Variants in MYBPC1 observed in about 807,000 individuals in gnomAD.
The protein encoded by MYBPC1 is myosin binding protein C1, also known as myosin-binding protein C, slow-type.
A neutral mutation model predicts 147.1 loss-of-function variants in MYBPC1; 52 were observed. The ratio of observed to expected loss-of-function variants is 0.35; its 90% CI spans 0.28 to 0.45. MYBPC1 has a LOEUF of 0.45. Ranked by LOEUF, MYBPC1 falls within the 20% of genes least tolerant of loss-of-function variation. MYBPC1 has a pLI of 1.00. For missense variants in MYBPC1, 1,228 were observed against 1,440.3 expected, an observed-to-expected ratio of 0.85 and a Z score of 2.39; for synonymous variants, 477 against 475.9, an observed-to-expected ratio of 1.00 and a Z score of -0.03.
chr12:101,650,650 G>A (rs1279270306), intron 15 of MYBPC1, among the ~76,000 whole-genome samples: 1 of 152,136 alleles, frequency 6.6e-6, no homozygotes, highest in Non-Finnish European at 1.5e-5. Context: ...TACAATTCAA[G>A]ATGAGATTTA....
At chr12:101,607,858 G>A (rs1279067657) in intron 1 of MYBPC1, among the ~76,000 whole-genome samples, 3 of 152,140 alleles carry the variant, frequency 2.0e-5, no homozygotes, top group South Asian at 2.1e-4. Flanking sequence ...ATTTTAAGAC[G>A]TAAGATTTCT....
At chr12:101,633,808 C>G (rs1378087953) in intron 8 of MYBPC1, among the ~76,000 whole-genome samples, 1 of 151,124 alleles carries the variant, frequency 6.6e-6, no homozygotes, top group East Asian at 1.9e-4. Flanking sequence ...CGGGTGCTGT[C>G]GATATTTCTG....
intron 1 of MYBPC1, among the ~76,000 whole-genome samples, chr12:101,603,750 C>T (rs75732037): frequency 0.026 from 3,890 of 152,160 alleles, 122 homozygotes; most frequent in South Asian, 0.099. Flanking sequence ...GAGACCAGCC[C>T]AAGCAACATG....
chr12:101,604,879 G>A (rs1471897916), intron 1 of MYBPC1, among the ~76,000 whole-genome samples: 2 of 152,184 alleles, frequency 1.3e-5, no homozygotes, highest in South Asian at 2.1e-4. Flanking sequence ...TAATCTGGCT[G>A]AGTAGAGTTT....
At chr12:101,638,737 C>T (rs1241173839) in intron 10 of MYBPC1, among the ~76,000 whole-genome samples, 1 of 152,118 alleles carries the variant, frequency 6.6e-6, no homozygotes, top group Non-Finnish European at 1.5e-5. Flanking sequence ...TAAAATAAAT[C>T]TAATTACATA....
chr12:101,641,433 T>C (rs903111894), intron 10 of MYBPC1, among the ~76,000 whole-genome samples: 2 of 152,226 alleles, frequency 1.3e-5, no homozygotes, highest in African/African-American at 2.4e-5. Flanking sequence ...TGAATTTTAT[T>C]TTTATTTTAT....
At chr12:101,619,506 G>T (rs1477481947) in intron 3 of MYBPC1, among the ~76,000 whole-genome samples, 2 of 152,218 alleles carry the variant, frequency 1.3e-5, no homozygotes, top group Non-Finnish European at 2.9e-5. Flanking sequence ...CTTGCAAAAT[G>T]AATGAGCAGT....
intron 22 of MYBPC1, among the ~76,000 whole-genome samples, chr12:101,667,132 A>G (rs147854493): frequency 6.6e-6 from 1 of 152,344 alleles, no homozygotes; most frequent in Non-Finnish European, 1.5e-5. Context: ...TTTTGGTTGC[A>G]AGGATAGAAT....
downstream of MYBPC1, among the ~76,000 whole-genome samples, chr12:101,687,127 G>A (rs1279846044): frequency 6.6e-6 from 1 of 151,868 alleles, no homozygotes; most frequent in Non-Finnish European, 1.5e-5. Context: ...GCAACGTGCA[G>A]GTTTGTTGCA....
At chr12:101,621,213 T>A (rs11110891) in intron 3 of MYBPC1, among the ~76,000 whole-genome samples, 4,173 of 152,320 alleles carry the variant, frequency 0.027, 275 homozygotes, top group East Asian at 0.26. Flanking sequence ...GCTTAATCTA[T>A]GTATTCTAAT....
chr12:101,681,593 T>TATATATATATATATA (rs56234991), intron 29 of MYBPC1, among the ~76,000 whole-genome samples: 2 of 8,122 alleles, frequency 2.5e-4, no homozygotes, highest in Admixed American at 1.6e-3. Flanking sequence ...TATATATATA[T>TATATATATATATATA]TTTTTTTTTT....
chr12:101,599,753 A>G lies in MYBPC1; in HGVS notation c.25+4658A>G, dbSNP rs1322982710. Among the ~76,000 whole-genome samples, 6 of 152,350 alleles carry G rather than the reference A, an allele frequency of 3.9e-5. No homozygotes were observed. In the East Asian group the frequency reaches 1.2e-3, roughly 29 times the overall value. ...TTTCCCTTTTGACTTCAAATGGTTCATCGAGGCCAAGCTGATGATTTCAAT... is the reference window on the plus strand; with the variant it reads ...TTTCCCTTTTGACTTCAAATGGTTCGTCGAGGCCAAGCTGATGATTTCAAT... On this transcript the variant is annotated intron_variant, in intron 1 of 31. Transcript: ENST00000361466.
At chr12:101,596,613 C>G (rs1004485428) in intron 1 of MYBPC1, among the ~76,000 whole-genome samples, 1 of 152,192 alleles carries the variant, frequency 6.6e-6, no homozygotes, top group East Asian at 1.9e-4. Context: ...AATAAGGTGA[C>G]AGCCTGTAAG....
intron 24 of MYBPC1, among the ~76,000 whole-genome samples, chr12:101,671,974 G>A (rs1594038561): frequency 1.3e-5 from 2 of 152,294 alleles, no homozygotes; most frequent in East Asian, 1.9e-4. Flanking sequence ...CTTGAGAAGG[G>A]AAGAAACTGA....
intron 1 of MYBPC1, among the ~76,000 whole-genome samples, chr12:101,613,343 AAG>A (rs2135787233): frequency 6.6e-6 from 1 of 152,374 alleles, no homozygotes; most frequent in African/African-American, 2.4e-5. Context: ...CCTGCTTAAC[AAG>A]AGTCACTTGT....
intron 1 of MYBPC1, among the ~76,000 whole-genome samples, chr12:101,597,464 A>G (rs759841442): frequency 6.6e-6 from 1 of 152,218 alleles, no homozygotes; most frequent in Non-Finnish European, 1.5e-5. Context: ...TGAAGGTACA[A>G]AAAATGTCTC....
chr12:101,677,259 T>G lies in MYBPC1; in HGVS notation c.2974T>G (p.Tyr992Asp), dbSNP rs781472841. The change falls in exon 27 of 32, where the codon TAT becomes GAT. Residue 992 changes from tyrosine to aspartate, a missense_variant. Tyr to Asp is a radical substitution (Grantham distance 160). This residue lies in a region of MYBPC1 where 1,077 missense variants were observed against 1,314.2 expected (regional missense o/e 0.82). Coordinates refer to ENST00000361466, the MANE Select transcript of MYBPC1 (RefSeq NM_002465.4). ...SMEWFTVIEH[Y>D]HRTSATITEL... ...GGAATGGTTTACTGTCATTGAGCATTATCATCGAACCAGTGCCACCATTAC... is the reference window on the plus strand; with the variant it reads ...GGAATGGTTTACTGTCATTGAGCATGATCATCGAACCAGTGCCACCATTAC... 6.2e-7 allele frequency: 1 copy of G among 1,613,858 alleles called. No individual in the cohort carries two copies. Among genetic ancestry groups the G allele is most frequent in the South Asian group, 1.1e-5 (1 of 91,078 alleles).
intron 14 of MYBPC1, among the ~76,000 whole-genome samples, chr12:101,648,665 C>G (rs825053): frequency 0.086 from 13,108 of 152,074 alleles, 829 homozygotes; most frequent in African/African-American, 0.18. Context: ...TCATGTAACC[C>G]CTAGTCACTT....
At chr12:101,603,202 G>A (rs1474181202) in intron 1 of MYBPC1, among the ~76,000 whole-genome samples, 2 of 151,994 alleles carry the variant, frequency 1.3e-5, no homozygotes, top group East Asian at 1.9e-4. Flanking sequence ...AAATTAGCAG[G>A]GCATGGTGGC....
Sources: gnomAD v4.1 joint callset for allele counts (sites outside exome capture counted in the v4.1 genomes callset) on GRCh38, gnomAD v4.1.1 for gene constraint, gnomAD v4.1.1 regional missense constraint, MANE v1.5 for transcripts, NCBI Gene and HGNC (gene_info 2026-07-23, HGNC 2026-07-21) for gene names.